Variants in CARMIL1 observed in about 807,000 individuals in gnomAD.
CARMIL1 encodes F-actin-uncapping protein LRRC16A.
In CARMIL1, 90 loss-of-function variants were observed where a neutral mutation model predicts 177.1. The observed-to-expected ratio is 0.51, with a 90% CI of 0.43 to 0.61. The LOEUF (loss-of-function observed/expected upper bound fraction) is 0.61. CARMIL1 is among the 20% of genes least tolerant of loss of function. CARMIL1 has a pLI of 0.00. For missense variants in CARMIL1, 1,380 were observed against 1,667.0 expected (o/e 0.83, Z 3.00); for synonymous variants, 577 against 606.2 (o/e 0.95, Z 0.71).
intron 2 of CARMIL1, among the ~76,000 whole-genome samples, chr6:25,387,114 C>CAAAAAAAAAAAAAAAAAAAAAAAAA (rs377548646): frequency 2.9e-5 from 3 of 101,918 alleles, no homozygotes; most frequent in East Asian, 3.2e-4. Context: ...ACTCTGTCTC[C>CAAAAAAAAAAAAAAAAAAAAAAAAA]AAAAAAAAAA....
intron 5 of CARMIL1, among the ~76,000 whole-genome samples, chr6:25,449,371 G>A (rs1427395912): frequency 1.3e-5 from 2 of 152,150 alleles, no homozygotes; most frequent in Non-Finnish European, 2.9e-5. Flanking sequence ...AACTTTGTTA[G>A]GTTCTGAGGA....
chr6:25,439,696 G>T (rs532322553), intron 5 of CARMIL1, among the ~76,000 whole-genome samples: 2 of 152,304 alleles, frequency 1.3e-5, no homozygotes, highest in South Asian at 4.1e-4. Context: ...GACTGCTGTG[G>T]TTGAGGGATG....
chr6:25,529,128 C>A (rs1161995483), intron 24 of CARMIL1, among the ~76,000 whole-genome samples: 3 of 152,144 alleles, frequency 2.0e-5, no homozygotes, highest in African/African-American at 7.2e-5. Context: ...AGATAGGTTT[C>A]TATACAAATA....
chr6:25,425,762 T>A (rs549827801), intron 3 of CARMIL1, among the ~76,000 whole-genome samples: 1 of 152,326 alleles, frequency 6.6e-6, no homozygotes, highest in South Asian at 2.1e-4. Context: ...AAATCATCAT[T>A]TATTTACATG....
At chr6:25,464,197 A>G (rs1800395000) in intron 8 of CARMIL1, among the ~76,000 whole-genome samples, 1 of 152,194 alleles carries the variant, frequency 6.6e-6, no homozygotes, top group Admixed American at 6.5e-5. Context: ...GCTTGTCAGT[A>G]GAAAACCTGG....
In CARMIL1 at chr6:25,606,266, A is replaced by C; in HGVS notation, c.3840A>C (p.Ser1280=). The change falls in exon 35 of 37, where the codon TCA becomes TCC. Residue 1280 remains serine (S), a synonymous_variant. Transcript: ENST00000329474. ...PVIPQKPRTA[S]RPDDIPDSPS... The stretch of plus-strand genomic sequence containing the variant: ...TCCCGCAGAAACCAAGAACCGCCTC[A>C]CGGCCTGGTAAGAGTTTTGCAGTTA... The C allele has an allele frequency of 6.2e-7, 1 of 1,613,020 alleles. No homozygotes were observed. Among genetic ancestry groups the C allele is most frequent in the Non-Finnish European group, 8.5e-7 (1 of 1,179,610 alleles).
intron 2 of CARMIL1, among the ~76,000 whole-genome samples, chr6:25,375,238 T>C (rs2150455337): frequency 6.6e-6 from 1 of 152,352 alleles, no homozygotes; most frequent in East Asian, 1.9e-4. Flanking sequence ...GACTCCTTCA[T>C]TTGTAACACT....
chr6:25,318,247 G>C (rs1561977381), intron 2 of CARMIL1, among the ~76,000 whole-genome samples: 1 of 152,128 alleles, frequency 6.6e-6, no homozygotes, highest in Non-Finnish European at 1.5e-5. Flanking sequence ...AGCTGCCTTG[G>C]TGGTCTCAGA....
intron 2 of CARMIL1, among the ~76,000 whole-genome samples, chr6:25,296,942 A>ATCTTTAG (rs1782444059): frequency 1.9e-5 from 1 of 52,656 alleles, no homozygotes; most frequent in African/African-American, 7.4e-5. Flanking sequence ...TCTTTAACTA[A>ATCTTTAG]CTAACTAACT....
chr6:25,562,161 A>G (rs1033787468), intron 29 of CARMIL1, among the ~76,000 whole-genome samples: 1 of 151,908 alleles, frequency 6.6e-6, no homozygotes, highest in Admixed American at 6.6e-5. Flanking sequence ...CAAGACCCAG[A>G]GTTACTCTTT....
intron 1 of CARMIL1, among the ~76,000 whole-genome samples, chr6:25,282,871 A>C (rs1781246140): frequency 6.6e-6 from 1 of 152,178 alleles, no homozygotes; most frequent in Non-Finnish European, 1.5e-5. Context: ...CCTCCACTAG[A>C]TTGCAAACTC....
chr6:25,486,258 A>C (rs1802644270), intron 12 of CARMIL1, among the ~76,000 whole-genome samples: 1 of 152,182 alleles, frequency 6.6e-6, no homozygotes, highest in South Asian at 2.1e-4. Flanking sequence ...TTATTAACAC[A>C]GGCCTCATGT....
At chr6:25,352,659 C>T (rs1015602117) in intron 2 of CARMIL1, among the ~76,000 whole-genome samples, 2 of 152,014 alleles carry the variant, frequency 1.3e-5, no homozygotes, top group African/African-American at 4.8e-5. Flanking sequence ...AAAGACACTA[C>T]GGGTGTCATT....
chr6:25,539,517 C>T (rs1273821737), intron 25 of CARMIL1, among the ~76,000 whole-genome samples: 1 of 148,642 alleles, frequency 6.7e-6, no homozygotes, highest in Non-Finnish European at 1.5e-5. Flanking sequence ...CCCAGCTTCT[C>T]GGGAGACTGA....
chr6:25,596,850 G>GACACACACACACAC (rs34651019), intron 32 of CARMIL1, among the ~76,000 whole-genome samples: 2 of 149,056 alleles, frequency 1.3e-5, no homozygotes, highest in African/African-American at 2.5e-5. Flanking sequence ...CAAACACACA[G>GACACACACACACAC]ACACACACAC....
chr6:25,497,788 A>T (rs1803887436), intron 16 of CARMIL1, among the ~76,000 whole-genome samples: 1 of 152,084 alleles, frequency 6.6e-6, no homozygotes, highest in Admixed American at 6.5e-5. Flanking sequence ...CAAGTTTCCC[A>T]CTTAATTTGA....
In CARMIL1 at chr6:25,296,935, T is replaced by TAAC. The variant is rs11414122; in HGVS notation, c.138+12026_138+12027insAAC. The stretch of plus-strand genomic sequence containing the variant: ...TATCTATCTATCTATCTATCTATCT[T>TAAC]TAACTAACTAACTAACTAACTAACT... On this transcript the variant is annotated intron_variant, in intron 2 of 36. Transcript: ENST00000329474. Among the ~76,000 whole-genome samples, 1,124 of 136,344 alleles carry TAAC rather than the reference T, an allele frequency of 8.2e-3. 16 individuals are homozygous for TAAC. The highest frequency in any genetic ancestry group is 0.012 in the Non-Finnish European group (725 of 62,518). The allele number at this position is 136,344 out of a possible 152,430, so 89.4% of individuals were successfully genotyped here. A position where few individuals can be genotyped will look rare whatever the true frequency, so the allele number is the denominator to read the frequency against.
intron 2 of CARMIL1, among the ~76,000 whole-genome samples, chr6:25,353,993 G>A (rs1274355299): frequency 6.6e-6 from 1 of 152,132 alleles, no homozygotes; most frequent in Admixed American, 6.5e-5. Context: ...GGCATCTATG[G>A]GGTAGAGGCC....
At chr6:25,324,476 TAGC>T (rs1242611460) in intron 2 of CARMIL1, among the ~76,000 whole-genome samples, 3 of 151,802 alleles carry the variant, frequency 2.0e-5, no homozygotes, top group Non-Finnish European at 4.4e-5. Context: ...TGTCAGGAAA[TAGC>T]AGCAAATTTT....
Sources: gnomAD v4.1 joint callset for allele counts (sites outside exome capture counted in the v4.1 genomes callset) on GRCh38, gnomAD v4.1.1 for gene constraint, MANE v1.5 for transcripts, NCBI Gene and HGNC (gene_info 2026-07-23, HGNC 2026-07-21) for gene names.